CCNJL: variants seen among roughly 807,000 people sequenced by gnomAD.
CCNJL encodes cyclin J like, also known as cyclin-J-like protein.
CCNJL carries 33 observed loss-of-function variants against 33.4 expected under a neutral mutation model. The observed-to-expected ratio is 0.99, with a 90% confidence interval of 0.75 to 1.32. The LOEUF is 1.32. CCNJL is among the 40% of genes most tolerant of loss of function. The pLI, the probability that CCNJL is intolerant of heterozygous loss-of-function variation, is 0.00. For synonymous variants in CCNJL, 227 were observed against 220.9 expected (o/e 1.03, Z -0.24); for missense variants, 512 against 499.7 (o/e 1.02, Z -0.23).
intron 2 of CCNJL, among the ~76,000 whole-genome samples, chr5:160,301,385 G>A (rs1762914843): frequency 6.6e-6 from 1 of 151,862 alleles, no homozygotes; most frequent in Non-Finnish European, 1.5e-5. Flanking sequence ...TAAGGCTGGG[G>A]GCAGGATGGG....
rs1057197534 is a variant in CCNJL at position 160,269,262 on chromosome 5, C to T, written c.281-9491G>A. ...GGCAACCCCTGGTTCCTTTGTGCTC[C>T]GCTTTACACGTGACCCAAATAAGTG... is the stretch of plus-strand genomic sequence containing the variant. On this transcript the variant is annotated intron_variant, in intron 3 of 5. Transcript: ENST00000257536. Among the ~76,000 whole-genome samples, 8 of 152,300 alleles carry T rather than the reference C, an allele frequency of 5.3e-5. No individual in the cohort carries two copies. The South Asian group carries it at 6.2e-4, about 12-fold the overall frequency.
intron 2 of CCNJL, among the ~76,000 whole-genome samples, chr5:160,284,646 T>A (rs773901026): frequency 9.9e-5 from 15 of 152,206 alleles, no homozygotes; most frequent in Non-Finnish European, 1.5e-4. Flanking sequence ...ACTGATTACT[T>A]CTCCTCTGGC....
At chr5:160,319,455 G>C (rs189506103) in intron 1 of CCNJL, among the ~76,000 whole-genome samples, 3 of 152,262 alleles carry the variant, frequency 2.0e-5, no homozygotes, top group African/African-American at 7.2e-5. Context: ...CTGAGAGCAG[G>C]CTTCCCTACT....
intron 3 of CCNJL, among the ~76,000 whole-genome samples, chr5:160,269,080 G>C (rs891791873): frequency 6.6e-6 from 1 of 152,228 alleles, no homozygotes; most frequent in Non-Finnish European, 1.5e-5. Flanking sequence ...TGAGGTTGTG[G>C]GTGGTTGTTT....
Position 160,253,720 on chromosome 5 carries a change from G to C in CCNJL, c.822C>G (p.Thr274=), listed in dbSNP as rs986191659. ...GTGGCTGGAACAGCACTTGAGTGGG[G>C]GTGGGGGGTGTGCCGGGCACCATTG... The part of the protein sequence containing the change: ...ALAMVPGTPP[T]PTQVLFQPPA... The change falls in exon 6 of 6, where the codon ACC becomes ACG. Residue 274 remains threonine (T), a synonymous_variant. Coordinates refer to ENST00000257536, the MANE Select transcript of CCNJL (RefSeq NM_001308173.3). 1 of 1,586,604 alleles carries C rather than the reference G, an allele frequency of 6.3e-7. No homozygotes were observed. The highest frequency in any genetic ancestry group is 8.6e-7 in the Non-Finnish European group (1 of 1,167,400).
chr5:160,329,729 T>C (rs1159259989), intron 1 of CCNJL, among the ~76,000 whole-genome samples: 1 of 152,184 alleles, frequency 6.6e-6, no homozygotes, highest in African/African-American at 2.4e-5. Context: ...CTTCAGCCTT[T>C]TTCTGCCTAT....
chr5:160,269,484 G>C (rs1431578157), intron 3 of CCNJL: 2 of 456,532 alleles, frequency 4.4e-6, no homozygotes, highest in Non-Finnish European at 8.8e-6. Context: ...TCTGGCCCAG[G>C]TCTGACGGCA....
intron 2 of CCNJL, among the ~76,000 whole-genome samples, chr5:160,293,494 G>A (rs1561797453): frequency 6.6e-6 from 1 of 151,994 alleles, no homozygotes; most frequent in Non-Finnish European, 1.5e-5. Flanking sequence ...AAATACAGAG[G>A]AGCACAAAGA....
intron 2 of CCNJL, among the ~76,000 whole-genome samples, chr5:160,284,863 C>T (rs1038091489): frequency 1.3e-5 from 2 of 152,084 alleles, no homozygotes; most frequent in African/African-American, 4.8e-5. Context: ...CAAAGTATCC[C>T]TTTTTTCAAC....
chr5:160,256,699 C>T (rs1418638376), intron 4 of CCNJL, among the ~76,000 whole-genome samples: 2 of 152,024 alleles, frequency 1.3e-5, no homozygotes, highest in East Asian at 1.9e-4. Flanking sequence ...AGGTGGATCA[C>T]GAGGTCAGGA....
At chr5:160,265,858 GAAAA>G (rs200091163) in intron 3 of CCNJL, among the ~76,000 whole-genome samples, 14 of 97,172 alleles carry the variant, frequency 1.4e-4, no homozygotes, top group South Asian at 9.1e-4. Flanking sequence ...GTCTCCAGGG[GAAAA>G]AAAAAAAAAA....
At chr5:160,257,806 A>G (rs554607382) in intron 4 of CCNJL, among the ~76,000 whole-genome samples, 172 of 151,988 alleles carry the variant, frequency 1.1e-3, no homozygotes, top group African/African-American at 4.0e-3. Context: ...GACACTTGGC[A>G]TGCAGTAAAT....
chr5:160,296,163 C>G (rs375386281), intron 2 of CCNJL, among the ~76,000 whole-genome samples: 3 of 152,308 alleles, frequency 2.0e-5, no homozygotes, highest in East Asian at 1.9e-4. Flanking sequence ...GTGCCTTGGT[C>G]AGTACATTTA....
intron 1 of CCNJL, among the ~76,000 whole-genome samples, chr5:160,324,835 G>A (rs1308553288): frequency 6.6e-6 from 1 of 152,108 alleles, no homozygotes; most frequent in Non-Finnish European, 1.5e-5. Flanking sequence ...TTTTGCTAAA[G>A]GAAGAATTAG....
intron 2 of CCNJL, among the ~76,000 whole-genome samples, chr5:160,301,018 T>A (rs1041248223): frequency 8.5e-5 from 13 of 152,338 alleles, no homozygotes; most frequent in African/African-American, 2.6e-4. Context: ...CTTAAAATCA[T>A]ACCCTGTGAT....
rs1443421115 is a variant in CCNJL, at chr5:160,252,464, TC to T, written c.*913del. 5.3e-5 allele frequency: 8 copies of T among 152,290 alleles called. No individual in the cohort carries two copies. Among genetic ancestry groups the T allele is most frequent in the African/African-American group, 1.9e-4 (8 of 41,444 alleles). 9.4% of individuals were successfully genotyped at this position (152,290 alleles called of 1,614,324 possible). On this transcript the variant is annotated 3_prime_UTR_variant, in exon 6 of 6. Transcript: ENST00000257536. ...GTCTTCCTTTCAACGAGCTTCTCCC[TC>T]CCTGGGTAGTTATTAAAGTTCTAGT... is the stretch of plus-strand genomic sequence containing the variant.
chr5:160,257,716 A>C (rs1761131912), intron 4 of CCNJL, among the ~76,000 whole-genome samples: 1 of 152,100 alleles, frequency 6.6e-6, no homozygotes, highest in African/African-American at 2.4e-5. Flanking sequence ...TCTTTTGTAA[A>C]ATATGATTAA....
intron 2 of CCNJL, among the ~76,000 whole-genome samples, chr5:160,311,233 A>G (rs1432362885): frequency 6.6e-6 from 1 of 151,872 alleles, no homozygotes; most frequent in East Asian, 1.9e-4. Context: ...CCGGCAGGGG[A>G]GTTTTTGTTT....
chr5:160,318,023 GTT>G (rs1385329664), intron 1 of CCNJL, among the ~76,000 whole-genome samples: 1 of 141,936 alleles, frequency 7.0e-6, no homozygotes. Context: ...TTCTTTTTTT[GTT>G]TTTTTTTTTT....
Sources: gnomAD v4.1 joint callset for allele counts (sites outside exome capture counted in the v4.1 genomes callset) on GRCh38, gnomAD v4.1.1 for gene constraint, MANE v1.5 for transcripts, NCBI Gene and HGNC (gene_info 2026-07-23, HGNC 2026-07-21) for gene names.